The following CFAP299 variants were observed in gnomAD, a reference collection of about 807,000 sequenced individuals.
CFAP299 encodes cilia and flagella associated protein 299, also known as cilia- and flagella-associated protein 299.
In CFAP299, 21 loss-of-function variants were observed where a neutral mutation model predicts 27.0. That is an observed-to-expected ratio of 0.78 (90% CI 0.55 to 1.12). The LOEUF (loss-of-function observed/expected upper bound fraction) is 1.12, where lower values mean the gene tolerates loss of function less well. Ranked by LOEUF, CFAP299 falls within the 50% of genes most tolerant of loss-of-function variation. The pLI is 0.00. For missense variants in CFAP299, 310 were observed against 276.6 expected, an observed-to-expected ratio of 1.12 and a Z score of -0.86; for synonymous variants, 104 against 98.1, an observed-to-expected ratio of 1.06 and a Z score of -0.36.
intron 4 of CFAP299, among the ~76,000 whole-genome samples, chr4:80,904,878 T>G (rs1379895825): frequency 1.3e-5 from 2 of 152,226 alleles, no homozygotes; most frequent in East Asian, 1.9e-4. Flanking sequence ...AGCAAACATG[T>G]GTCCTAAGTC....
intron 3 of CFAP299, among the ~76,000 whole-genome samples, chr4:80,720,955 GA>G (rs1193015177): frequency 6.6e-6 from 1 of 152,108 alleles, no homozygotes. Context: ...TCTAGAGATA[GA>G]AACTACAATG....
intron 3 of CFAP299, among the ~76,000 whole-genome samples, chr4:80,864,581 T>C (rs1166440053): frequency 6.7e-6 from 1 of 149,658 alleles, no homozygotes; most frequent in Admixed American, 6.7e-5. Flanking sequence ...TTTGTTTCAA[T>C]TTTAGCTTCA....
At chr4:80,890,888 GC>G (rs1219675146) in intron 4 of CFAP299, among the ~76,000 whole-genome samples, 7 of 130,242 alleles carry the variant, frequency 5.4e-5, no homozygotes, top group African/African-American at 1.8e-4. Context: ...CATGTCCTTC[GC>G]CCACTTTTTG....
At chr4:80,487,850 T>C (rs1730905730) in intron 2 of CFAP299, among the ~76,000 whole-genome samples, 1 of 152,220 alleles carries the variant, frequency 6.6e-6, no homozygotes, top group African/African-American at 2.4e-5. Flanking sequence ...GATTCAATAC[T>C]TCTCTCACAT....
intron 3 of CFAP299, among the ~76,000 whole-genome samples, chr4:80,610,206 A>C (rs1321233960): frequency 6.6e-6 from 1 of 152,064 alleles, no homozygotes; most frequent in Non-Finnish European, 1.5e-5. Flanking sequence ...GCTCTAAAAA[A>C]AATGACACTA....
intron 3 of CFAP299, among the ~76,000 whole-genome samples, chr4:80,659,154 A>G (rs1740706232): frequency 4.6e-5 from 7 of 152,160 alleles, no homozygotes; most frequent in Non-Finnish European, 1.5e-5. Context: ...CATATGCTAT[A>G]TTAATACTGG....
rs200544185 is a variant in CFAP299, at chr4:80,963,461, A to C, written c.607-56A>C. The C allele has an allele frequency of 2.1e-5, 20 of 956,092 alleles. No homozygotes were observed. In the Admixed American group the frequency reaches 4.1e-4, roughly 20 times the overall value. The allele number at this position is 956,092 out of a possible 1,614,324, so 59.2% of individuals were successfully genotyped here. A position where few individuals can be genotyped will look rare whatever the true frequency, so the allele number is the denominator to read the frequency against. The stretch of plus-strand genomic sequence containing the variant: ...AGCAAAAAAATAAAAAAAAAATTTT[A>C]AAAAAGGCCAAGTATTTTTATAGAC... On this transcript the variant is annotated intron_variant, in intron 5 of 5. Coordinates refer to ENST00000358105, the MANE Select transcript of CFAP299 (RefSeq NM_152770.3).
intron 4 of CFAP299, among the ~76,000 whole-genome samples, chr4:80,880,720 C>T (rs373628391): frequency 1.1e-4 from 16 of 149,406 alleles, no homozygotes; most frequent in African/African-American, 2.0e-4. Context: ...AGCGAGACTC[C>T]GTCTCAAAAA....
intron 3 of CFAP299, among the ~76,000 whole-genome samples, chr4:80,612,511 C>T (rs1415697828): frequency 6.6e-6 from 1 of 151,932 alleles, no homozygotes; most frequent in Non-Finnish European, 1.5e-5. Context: ...CAGAAACATC[C>T]CATCCATATA....
intron 3 of CFAP299, among the ~76,000 whole-genome samples, chr4:80,619,543 C>T (rs1441674604): frequency 6.6e-6 from 1 of 152,042 alleles, no homozygotes; most frequent in East Asian, 1.9e-4. Flanking sequence ...AGCCACCTAA[C>T]TAGATGGCTT....
chr4:80,424,737 A>T (rs1384272151), intron 2 of CFAP299, among the ~76,000 whole-genome samples: 1 of 152,210 alleles, frequency 6.6e-6, no homozygotes, highest in Non-Finnish European at 1.5e-5. Flanking sequence ...ATCATTACCT[A>T]GACATTAGGA....
chr4:80,377,150 A>ATG (rs1491214702), intron 2 of CFAP299, among the ~76,000 whole-genome samples: 2 of 152,114 alleles, frequency 1.3e-5, no homozygotes, highest in East Asian at 3.9e-4. Flanking sequence ...TTTAAGGTTC[A>ATG]TGTGTGTGTG....
At chr4:80,652,931 T>C (rs1740383559) in intron 3 of CFAP299, among the ~76,000 whole-genome samples, 1 of 152,168 alleles carries the variant, frequency 6.6e-6, no homozygotes, top group Non-Finnish European at 1.5e-5. Context: ...TCATGCTCCA[T>C]GTTTTCCACA....
rs573107756 is a variant in CFAP299 at position 80,673,995 on chromosome 4, T to C, written c.333+90812T>C. On this transcript the variant is annotated intron_variant, in intron 3 of 5. Transcript: ENST00000358105. ...TATCCAATTTGCCAGTCTGTGTCTT[T>C]TAATTGGGGCATTTAGCCCATTTAC... is the stretch of plus-strand genomic sequence containing the variant. 3.9e-5 allele frequency among the ~76,000 whole-genome samples: 6 copies of C among 152,336 alleles called. No individual in the cohort carries two copies. In the South Asian group the frequency reaches 1.2e-3, roughly 32 times the overall value.
intron 3 of CFAP299, among the ~76,000 whole-genome samples, chr4:80,627,604 A>C (rs1225488755): frequency 6.6e-6 from 1 of 152,022 alleles, no homozygotes; most frequent in African/African-American, 2.4e-5. Context: ...AAGACTTTAC[A>C]AAAAGAAACC....
chr4:80,595,068 C>T (rs1736992238), intron 3 of CFAP299, among the ~76,000 whole-genome samples: 1 of 152,120 alleles, frequency 6.6e-6, no homozygotes, highest in South Asian at 2.1e-4. Flanking sequence ...CAGTCCTTTG[C>T]CTGGGTGTTT....
chr4:80,511,967 C>A (rs951202143), intron 2 of CFAP299, among the ~76,000 whole-genome samples: 5 of 152,002 alleles, frequency 3.3e-5, no homozygotes, highest in Admixed American at 6.6e-5. Flanking sequence ...TTTAAAAATT[C>A]TTGAGTTTTG....
intron 4 of CFAP299, among the ~76,000 whole-genome samples, chr4:80,936,104 T>G (rs570553488): frequency 6.6e-6 from 1 of 152,282 alleles, no homozygotes; most frequent in East Asian, 1.9e-4. Context: ...TTACTTTTAA[T>G]GGCAAAAACA....
chr4:80,466,152 T>C (rs1729689232), intron 2 of CFAP299, among the ~76,000 whole-genome samples: 1 of 152,208 alleles, frequency 6.6e-6, no homozygotes, highest in Non-Finnish European at 1.5e-5. Flanking sequence ...ATTTTGCATA[T>C]AAGTTAATAA....
Sources: gnomAD v4.1 joint callset for allele counts (sites outside exome capture counted in the v4.1 genomes callset) on GRCh38, gnomAD v4.1.1 for gene constraint, MANE v1.5 for transcripts, NCBI Gene and HGNC (gene_info 2026-07-23, HGNC 2026-07-21) for gene names.